N4BP2L1: variants seen among roughly 807,000 people sequenced by gnomAD.
The protein encoded by N4BP2L1 is NEDD4-binding protein 2-like 1.
N4BP2L1 carries 12 observed loss-of-function variants against 21.2 expected under a neutral mutation model. The observed-to-expected ratio is 0.57, with a 90% CI of 0.36 to 0.92. N4BP2L1 has a LOEUF of 0.92. Ranked by LOEUF, N4BP2L1 falls within the 40% of genes least tolerant of loss-of-function variation. The pLI, the probability that N4BP2L1 is intolerant of heterozygous loss-of-function variation, is 0.01. For synonymous variants in N4BP2L1, 104 were observed against 112.8 expected, an observed-to-expected ratio of 0.92 and a Z score of 0.49; for missense variants, 259 against 310.6, an observed-to-expected ratio of 0.83 and a Z score of 1.25.
At chr13:32,404,167 TTAA>T (rs2073328132) in intron 4 of N4BP2L1, 151 bp downstream of exon 4, 1 of 1,611,792 alleles carries the variant, frequency 6.2e-7, no homozygotes, top group Non-Finnish European at 8.5e-7. Flanking sequence ...AGTCTTCACA[TTAA>T]TAATTCCAAA....
chr13:32,427,795 C>G (rs965676575), intron 1 of N4BP2L1, 109 bp downstream of exon 1: 1 of 630,730 alleles, frequency 1.6e-6, no homozygotes, highest in African/African-American at 2.0e-5. Flanking sequence ...CAGGCACCCG[C>G]GGCGGGGGCG....
chr13:32,408,355 G>C (rs1324640141), intron 1 of N4BP2L1, among the ~76,000 whole-genome samples: 1 of 152,108 alleles, frequency 6.6e-6, no homozygotes, highest in Non-Finnish European at 1.5e-5. Flanking sequence ...ATGATGACCC[G>C]AGCCAAATGG....
rs79966050 is a variant in N4BP2L1, at chr13:32,402,503, TTTG to T, written c.*436_*438del. The T allele has an allele frequency of 3.5e-6, 1 of 282,794 alleles. No individual in the cohort carries two copies. The highest frequency in any genetic ancestry group is 4.2e-6 in the Non-Finnish European group (1 of 238,828). The allele number at this position is 282,794 out of a possible 1,614,324, so 17.5% of individuals were successfully genotyped here. On this transcript the variant is annotated 3_prime_UTR_variant, in exon 5 of 5. Coordinates refer to ENST00000380130, the MANE Select transcript of N4BP2L1 (RefSeq NM_052818.3). ...TAGATTATCAAAGTAGCAATGGCAC[TTTG>T]ATAAGTAGCAATGCCCCCCCACCAC...
intron 1 of N4BP2L1, among the ~76,000 whole-genome samples, chr13:32,410,956 G>C (rs1371786142): frequency 6.6e-6 from 1 of 151,854 alleles, no homozygotes; most frequent in Non-Finnish European, 1.5e-5. Flanking sequence ...TTTCAGACTT[G>C]AATTTTTCTT....
At chr13:32,417,175 A>C (rs2074197078) in intron 1 of N4BP2L1, among the ~76,000 whole-genome samples, 1 of 152,094 alleles carries the variant, frequency 6.6e-6, no homozygotes, top group Non-Finnish European at 1.5e-5. Context: ...ATTTTTGTAC[A>C]ATGAGAATTT....
chr13:32,412,915 G>T (rs1401773545), intron 1 of N4BP2L1, among the ~76,000 whole-genome samples: 1 of 152,034 alleles, frequency 6.6e-6, no homozygotes, highest in East Asian at 1.9e-4. Context: ...TTATTTTTAT[G>T]CATTTATGTA....
intron 1 of N4BP2L1, among the ~76,000 whole-genome samples, chr13:32,423,985 C>G (rs1394665756): frequency 6.6e-6 from 1 of 152,214 alleles, no homozygotes; most frequent in Non-Finnish European, 1.5e-5. Context: ...CAGAGGTTCA[C>G]CCATGGATGC....
At chr13:32,404,115 T>C in intron 4 of N4BP2L1, 1 of 1,568,518 alleles carries the variant, frequency 6.4e-7, no homozygotes, top group Non-Finnish European at 8.7e-7. Context: ...CAAGCCAAGA[T>C]TTAGCATTTA....
Position 32,428,031 on chromosome 13 carries a change from G to T in N4BP2L1, c.52C>A (p.Gln18Lys). The change falls in exon 1 of 5, where the codon CAG becomes AAG. Residue 18 changes from glutamine (Q) to lysine (K), a missense_variant. This residue lies in a region of N4BP2L1 where 60 missense variants were observed against 54.7 expected (regional missense o/e 1.10). Transcript: ENST00000380130. ...SFGRLSLQPQ[Q>K]QQQRQRPPRP... ...GGCGGCCGCTGCCGCTGCTGCTGCT[G>T]CTGGGGCTGGAGGCTCAGCCTCCCA... is the stretch of plus-strand genomic sequence containing the variant. The T allele has an allele frequency of 6.4e-7, 1 of 1,553,870 alleles. No homozygotes were observed. Among genetic ancestry groups the T allele is most frequent in the Non-Finnish European group, 8.7e-7 (1 of 1,152,430 alleles).
chr13:32,405,892 C>CTTTTTT (rs754694153), intron 3 of N4BP2L1, among the ~76,000 whole-genome samples: 2 of 101,192 alleles, frequency 2.0e-5, no homozygotes, highest in East Asian at 3.1e-4. Context: ...TTCCTGCCCC[C>CTTTTTT]TTTTTTTTTT....
At chr13:32,422,507 C>T (rs1170860340) in intron 1 of N4BP2L1, among the ~76,000 whole-genome samples, 6 of 152,212 alleles carry the variant, frequency 3.9e-5, no homozygotes, top group Non-Finnish European at 8.8e-5. Context: ...ATTCTTCCTT[C>T]CTTCATCCAT....
In N4BP2L1 at chr13:32,407,649, T is replaced by C. The variant is rs762491005; in HGVS notation, c.303A>G (p.Lys101=). Residue 101 remains lysine, a synonymous_variant, in exon 2 of 5, where the codon AAA becomes AAG. Coordinates refer to ENST00000380130, the MANE Select transcript of N4BP2L1 (RefSeq NM_052818.3). ...GTTTGGGAAGGAATTTGTCACCTCT[T>C]TTTTGGTTCCATTCATGAGCTTCCT... ...FLEEAHEWNQ[K]RARKAMRNGI... is the part of the protein sequence containing the mutation. The C allele has an allele frequency of 6.2e-7, 1 of 1,613,384 alleles. No homozygotes were observed. Among genetic ancestry groups the C allele is most frequent in the Non-Finnish European group, 8.5e-7 (1 of 1,180,008 alleles).
At chr13:32,421,849 G>A (rs1223869473) in intron 1 of N4BP2L1, among the ~76,000 whole-genome samples, 2 of 152,066 alleles carry the variant, frequency 1.3e-5, no homozygotes, top group African/African-American at 2.4e-5. Context: ...ATAACTTGGC[G>A]TGACTAAAAA....
chr13:32,418,892 T>G (rs2074296045), intron 1 of N4BP2L1, among the ~76,000 whole-genome samples: 1 of 152,238 alleles, frequency 6.6e-6, no homozygotes, highest in South Asian at 2.1e-4. Flanking sequence ...ACCCAATGCC[T>G]GTACCCCCAT....
intron 1 of N4BP2L1, among the ~76,000 whole-genome samples, chr13:32,418,708 C>T (rs910341202): frequency 1.3e-5 from 2 of 152,182 alleles, no homozygotes; most frequent in Non-Finnish European, 2.9e-5. Context: ...GTGGAGCTGC[C>T]CAAGGCCATG....
chr13:32,427,829 G>C, intron 1 of N4BP2L1, 75 bp downstream of exon 1: 1 of 1,032,254 alleles, frequency 9.7e-7, no homozygotes, highest in Non-Finnish European at 1.3e-6. Flanking sequence ...GGAGCGGCTT[G>C]GGGCAGGGGT....
At chr13:32,421,043 C>T (rs888187398) in intron 1 of N4BP2L1, among the ~76,000 whole-genome samples, 9 of 152,266 alleles carry the variant, frequency 5.9e-5, no homozygotes, top group Admixed American at 1.3e-4. Flanking sequence ...CCTTTGGTTT[C>T]GTTCTTTACT....
At chr13:32,405,510 T>A (rs2761367) in intron 3 of N4BP2L1, among the ~76,000 whole-genome samples, 1 of 151,896 alleles carries the variant, frequency 6.6e-6, no homozygotes, top group Non-Finnish European at 1.5e-5. Context: ...ACTCTCTCTC[T>A]AAACAAAACA....
intron 1 of N4BP2L1, chr13:32,416,042 C>T (rs1302146271): frequency 6.6e-6 from 1 of 152,238 alleles, no homozygotes; most frequent in Non-Finnish European, 1.5e-5. Flanking sequence ...GTGTGGAACA[C>T]ATAAACACTC....
Sources: gnomAD v4.1 joint callset for allele counts (sites outside exome capture counted in the v4.1 genomes callset) on GRCh38, gnomAD v4.1.1 for gene constraint, gnomAD v4.1.1 regional missense constraint, MANE v1.5 for transcripts, NCBI Gene and HGNC (gene_info 2026-07-23, HGNC 2026-07-21) for gene names.